CEP57L1: variants seen among roughly 807,000 people sequenced by gnomAD.
CEP57L1 encodes the protein centrosomal protein CEP57L1.
A neutral mutation model predicts 61.0 loss-of-function variants in CEP57L1; 37 were observed. The ratio of observed to expected loss-of-function variants is 0.61; its 90% CI spans 0.47 to 0.80. The LOEUF is 0.80. Ranked by LOEUF, CEP57L1 falls within the 30% of genes least tolerant of loss-of-function variation. The probability of loss-of-function intolerance (pLI) is 0.00; values close to 1 mark genes in which losing one functional copy is unlikely to be tolerated. For synonymous variants in CEP57L1, 137 were observed against 162.3 expected, an observed-to-expected ratio of 0.84 and a Z score of 1.19; for missense variants, 422 against 524.7, an observed-to-expected ratio of 0.80 and a Z score of 1.91.
In CEP57L1 at chr6:109,159,025, A is replaced by G; in HGVS notation, c.745A>G (p.Lys249Glu). 1 of 1,600,614 alleles carries G rather than the reference A, an allele frequency of 6.2e-7. No individual in the cohort carries two copies. Among genetic ancestry groups the G allele is most frequent in the Non-Finnish European group, 8.5e-7 (1 of 1,176,764 alleles). Residue 249 changes from lysine to glutamate, a missense_variant and splice_region_variant, in exon 8 of 11, where the codon AAA (lysine) becomes GAA (glutamate). Coordinates refer to ENST00000517392, the MANE Select transcript of CEP57L1 (RefSeq NM_001271852.3). Reference protein sequence around the residue: ...HSKEKKKSSKKTKCIKRRPPW... With the variant: ...HSKEKKKSSKETKCIKRRPPW... ...ACGTTTTTTTCTTGCCAATCTCTAGAAAACTAAATGTATAAAGAGACGACC... is the reference window on the plus strand; with the variant it reads ...ACGTTTTTTTCTTGCCAATCTCTAGGAAACTAAATGTATAAAGAGACGACC...
intron 8 of CEP57L1, 79 bp downstream of exon 8, chr6:109,159,181 A>T: frequency 6.2e-7 from 1 of 1,613,636 alleles, no homozygotes; most frequent in Non-Finnish European, 8.5e-7. Flanking sequence ...ATCTTCAGTC[A>T]TTTAAAATTA....
intron 1 of CEP57L1, chr6:109,129,568 A>G (rs1773954399): frequency 2.2e-6 from 1 of 454,902 alleles, no homozygotes; most frequent in Non-Finnish European, 4.4e-6. Context: ...TAAATTTTCA[A>G]CCTGTTCTCT....
At chr6:109,108,910 C>A (rs1175757416) in intron 1 of CEP57L1, among the ~76,000 whole-genome samples, 1 of 152,146 alleles carries the variant, frequency 6.6e-6, no homozygotes, top group East Asian at 1.9e-4. Flanking sequence ...ATGTGCCATT[C>A]CATCAGATAT....
chr6:109,153,808 G>T, intron 4 of CEP57L1, 25 bp from the exon 5 acceptor site: 1 of 1,391,372 alleles, frequency 7.2e-7, no homozygotes, highest in Admixed American at 1.7e-5. Context: ...ATTCAGGGTT[G>T]CTATTTTATT....
chr6:109,119,130 T>C (rs548720854), intron 1 of CEP57L1, among the ~76,000 whole-genome samples: 24 of 152,230 alleles, frequency 1.6e-4, no homozygotes, highest in Non-Finnish European at 2.9e-4. Context: ...AGAAACGTGT[T>C]CACTCAGCAG....
chr6:109,097,523 C>T (rs572665145), intron 1 of CEP57L1, among the ~76,000 whole-genome samples: 6 of 152,282 alleles, frequency 3.9e-5, no homozygotes, highest in African/African-American at 1.4e-4. Context: ...TTCTCATATT[C>T]CATTTCACCC....
chr6:109,146,759 T>G lies in CEP57L1; in HGVS notation c.162T>G (p.Ala54=), dbSNP rs963892445. 1 of 1,554,384 alleles carries G rather than the reference T, an allele frequency of 6.4e-7. No individual in the cohort carries two copies. The highest frequency in any genetic ancestry group is 8.6e-7 in the Non-Finnish European group (1 of 1,156,730). The change falls in exon 3 of 11, where the codon GCT becomes GCG. Residue 54 remains alanine, a splice_region_variant and synonymous_variant. Transcript: ENST00000517392. ...ATCAACAAAATTTTTTTTCAACAGC[T>G]CTTATTTTAGCCTTAAAAACTCTTC... is the stretch of plus-strand genomic sequence containing the variant. The part of the protein sequence containing the change: ...PKILHSPNSQ[A]LILALKTLQE...
intron 4 of CEP57L1, among the ~76,000 whole-genome samples, chr6:109,151,050 A>G (rs538282096): frequency 1.3e-5 from 2 of 152,344 alleles, no homozygotes; most frequent in Admixed American, 6.5e-5. Context: ...ATATAAGGCA[A>G]CAATAATAAT....
In CEP57L1 at chr6:109,129,342, T is replaced by C. The variant is rs935369676; in HGVS notation, c.-3-15877T>C. On this transcript the variant is annotated intron_variant, in intron 1 of 10. Coordinates refer to ENST00000517392, the MANE Select transcript of CEP57L1 (RefSeq NM_001271852.3). ...ACTTCTTCACTTGGATATAATAATATAGACTGCCGACATTCTGGGAACTGA... is the reference window on the plus strand; with the variant it reads ...ACTTCTTCACTTGGATATAATAATACAGACTGCCGACATTCTGGGAACTGA... 3.4e-6 allele frequency: 4 copies of C among 1,193,192 alleles called. No individual in the cohort carries two copies. The African/African-American group carries it at 4.7e-5, about 14-fold the overall frequency. 73.9% of individuals were successfully genotyped at this position (1,193,192 alleles called of 1,614,324 possible).
In CEP57L1 at chr6:109,101,616, C is replaced by CTTT. The variant is rs199499971; in HGVS notation, c.-4+6045_-4+6047dup. On this transcript the variant is annotated intron_variant, in intron 1 of 10. Coordinates refer to ENST00000517392, the MANE Select transcript of CEP57L1 (RefSeq NM_001271852.3). The stretch of plus-strand genomic sequence containing the variant: ...GAAACTCACAGCTGTTTTTCTTTTT[C>CTTT]TTTTTTCTTTTTTTTTTTTTTTGAG... Among the ~76,000 whole-genome samples, 31 of 126,542 alleles carry CTTT rather than the reference C, an allele frequency of 2.4e-4. 1 individual carries two copies. The highest frequency in any genetic ancestry group is 6.9e-4 in the African/African-American group (25 of 36,190). 83.0% of individuals were successfully genotyped at this position (126,542 alleles called of 152,430 possible).
At chr6:109,161,016 A>G (rs1290059448) in intron 10 of CEP57L1, among the ~76,000 whole-genome samples, 1 of 152,112 alleles carries the variant, frequency 6.6e-6, no homozygotes, top group African/African-American at 2.4e-5. Flanking sequence ...CCCTCCAGTT[A>G]CCCTTTTAGC....
intron 1 of CEP57L1, among the ~76,000 whole-genome samples, chr6:109,132,492 G>A (rs1000700768): frequency 2.0e-5 from 3 of 152,128 alleles, no homozygotes; most frequent in African/African-American, 7.2e-5. Context: ...ATATACCACA[G>A]TTTATCTGTT....
chr6:109,166,380 TC>T lies in CEP57L1; in HGVS notation c.*3411del, dbSNP rs1313950472. 1.3e-5 allele frequency among the ~76,000 whole-genome samples: 2 copies of T among 148,476 alleles called. No individual in the cohort carries two copies. Among genetic ancestry groups the T allele is most frequent in the African/African-American group, 5.0e-5 (2 of 39,714 alleles). ...TGTAATTTTAACTATAAATGTATAT[TC>T]TTTTTTTTTTTTTTTTGGTGGGCAT... On this transcript the variant is annotated 3_prime_UTR_variant, in exon 11 of 11. Coordinates refer to ENST00000517392, the MANE Select transcript of CEP57L1 (RefSeq NM_001271852.3).
chr6:109,130,856 TC>T (rs1321091802), intron 1 of CEP57L1: 10 of 152,128 alleles, frequency 6.6e-5, no homozygotes, highest in Non-Finnish European at 1.2e-4. Flanking sequence ...ATTTTAATCA[TC>T]CTATCAGAGT....
At chr6:109,150,076 T>C in intron 3 of CEP57L1, 42 bp from the exon 4 acceptor site, 1 of 1,278,878 alleles carries the variant, frequency 7.8e-7, no homozygotes, top group Non-Finnish European at 1.1e-6. Flanking sequence ...CAGGGACAAT[T>C]TGACTTCCTC....
chr6:109,119,343 C>T (rs1005983251), intron 1 of CEP57L1, among the ~76,000 whole-genome samples: 4 of 152,032 alleles, frequency 2.6e-5, no homozygotes, highest in East Asian at 3.9e-4. Context: ...CAAAAGGCTA[C>T]GTAATGGGAC....
At chr6:109,111,886 G>C (rs1771677212) in intron 1 of CEP57L1, among the ~76,000 whole-genome samples, 1 of 152,180 alleles carries the variant, frequency 6.6e-6, no homozygotes. Context: ...ACTTGATCGT[G>C]GTGGATAAGC....
rs1024247170 is a variant in CEP57L1, at chr6:109,173,102, A to C, written c.*10132A>C. On this transcript the variant is annotated 3_prime_UTR_variant, in exon 11 of 11. Transcript: ENST00000517392. ...AGGAGAACATGTTTTTTTTGAACCTATGCAAATAGCCACATGTCTGTGAAA... is the reference window on the plus strand; with the variant it reads ...AGGAGAACATGTTTTTTTTGAACCTCTGCAAATAGCCACATGTCTGTGAAA... Among the ~76,000 whole-genome samples the C allele has an allele frequency of 7.9e-5, 12 of 152,198 alleles. No individual in the cohort carries two copies. The highest frequency in any genetic ancestry group is 2.7e-4 in the African/African-American group (11 of 41,458).
chr6:109,135,520 A>C (rs571255212), intron 1 of CEP57L1, among the ~76,000 whole-genome samples: 1 of 152,148 alleles, frequency 6.6e-6, no homozygotes, highest in Non-Finnish European at 1.5e-5. Flanking sequence ...ACTTCATGTC[A>C]AAAACACCAA....
Sources: gnomAD v4.1 joint callset for allele counts (sites outside exome capture counted in the v4.1 genomes callset) on GRCh38, gnomAD v4.1.1 for gene constraint, MANE v1.5 for transcripts, NCBI Gene and HGNC (gene_info 2026-07-23, HGNC 2026-07-21) for gene names.